IQGAP2: variants seen among roughly 807,000 people sequenced by gnomAD.
The protein encoded by IQGAP2 is ras GTPase-activating-like protein IQGAP2.
IQGAP2 carries 173 observed loss-of-function variants against 201.3 expected under a neutral mutation model. The ratio of observed to expected loss-of-function variants is 0.86; its 90% CI spans 0.76 to 0.98. The LOEUF (loss-of-function observed/expected upper bound fraction) is 0.98, where lower values mean the gene tolerates loss of function less well. Among genes scored for constraint, IQGAP2 ranks in the 50% least tolerant of loss-of-function variants. The probability of loss-of-function intolerance (pLI) is 0.00; values close to 1 mark genes in which losing one functional copy is unlikely to be tolerated. For missense variants in IQGAP2, 1,687 were observed against 1,864.8 expected (o/e 0.90, Z 1.76); for synonymous variants, 675 against 673.9 (o/e 1.00, Z -0.03).
At chr5:76,432,919 A>G (rs911858042) in intron 1 of IQGAP2, among the ~76,000 whole-genome samples, 2 of 152,040 alleles carry the variant, frequency 1.3e-5, no homozygotes, top group Non-Finnish European at 2.9e-5. Flanking sequence ...TTAGGTATTT[A>G]TTTCCCCTGC....
At chr5:76,659,621 A>C (rs577750317) in intron 21 of IQGAP2, among the ~76,000 whole-genome samples, 1 of 152,328 alleles carries the variant, frequency 6.6e-6, no homozygotes, top group African/African-American at 2.4e-5. Flanking sequence ...AGATAATTAC[A>C]AACAGAATCT....
intron 10 of IQGAP2, among the ~76,000 whole-genome samples, chr5:76,598,294 T>G (rs1372471117): frequency 6.6e-6 from 1 of 152,148 alleles, no homozygotes; most frequent in Non-Finnish European, 1.5e-5. Flanking sequence ...ATTTTCAACA[T>G]AAAATGTTAA....
At chr5:76,527,844 C>T (rs1729794783) in intron 2 of IQGAP2, among the ~76,000 whole-genome samples, 1 of 152,212 alleles carries the variant, frequency 6.6e-6, no homozygotes, top group Non-Finnish European at 1.5e-5. Context: ...TCTAAACTTC[C>T]AAGACCCTAA....
chr5:76,556,416 G>A (rs901038126), intron 2 of IQGAP2, among the ~76,000 whole-genome samples: 1 of 152,166 alleles, frequency 6.6e-6, no homozygotes, highest in African/African-American at 2.4e-5. Flanking sequence ...CAAGCTCCCA[G>A]CTTGCTGGCT....
rs573316629 is a variant in IQGAP2, at chr5:76,584,847, C to T, written c.459-4059C>T. Among the ~76,000 whole-genome samples, 65 of 152,304 alleles carry T rather than the reference C, an allele frequency of 4.3e-4. 1 individual carries two copies. Among genetic ancestry groups the T allele is most frequent in the African/African-American group, 1.3e-3 (55 of 41,554 alleles). On this transcript the variant is annotated intron_variant, in intron 5 of 35. Transcript: ENST00000274364. ...GAAGATGTCAGACATTTGAAGGAAACTGCCACTGAAGGAAGCATTAGATTC... is the reference window on the plus strand; with the variant it reads ...GAAGATGTCAGACATTTGAAGGAAATTGCCACTGAAGGAAGCATTAGATTC...
At chr5:76,605,186 A>G (rs530698530) in intron 11 of IQGAP2, among the ~76,000 whole-genome samples, 36 of 152,332 alleles carry the variant, frequency 2.4e-4, no homozygotes, top group African/African-American at 8.2e-4. Flanking sequence ...GAAAATTGAT[A>G]ATTGAGAAGT....
intron 8 of IQGAP2, among the ~76,000 whole-genome samples, chr5:76,591,979 C>T (rs923444678): frequency 6.6e-6 from 1 of 152,206 alleles, no homozygotes; most frequent in Non-Finnish European, 1.5e-5. Flanking sequence ...GCTGCCTACT[C>T]TTGTTGGAGT....
chr5:76,686,598 C>T (rs1197189078), intron 30 of IQGAP2, among the ~76,000 whole-genome samples: 1 of 152,082 alleles, frequency 6.6e-6, no homozygotes, highest in Non-Finnish European at 1.5e-5. Flanking sequence ...CAAGCTCTGC[C>T]TCCTGGGTTC....
rs1744060781 is a variant in IQGAP2 at position 76,557,913 on chromosome 5, T to A, written c.147-4483T>A. On this transcript the variant is annotated intron_variant, in intron 2 of 35. Coordinates refer to ENST00000274364, the MANE Select transcript of IQGAP2 (RefSeq NM_006633.5). ...CCTCCGCCTCTCAGATTCAAGCGAT[T>A]CTCCTGCCTCAGCCTCCTGAGTAGC... 2.0e-5 allele frequency among the ~76,000 whole-genome samples: 3 copies of A among 152,244 alleles called. No homozygotes were observed. The South Asian group carries it at 6.2e-4, about 32-fold the overall frequency.
chr5:76,622,702 G>A (rs1240579117), intron 13 of IQGAP2, among the ~76,000 whole-genome samples: 3 of 152,092 alleles, frequency 2.0e-5, no homozygotes, highest in Admixed American at 6.5e-5. Flanking sequence ...CATTCATTTC[G>A]GAAATACTGA....
At chr5:76,618,441 G>A (rs532074209) in intron 13 of IQGAP2, 1 of 1,614,216 alleles carries the variant, frequency 6.2e-7, no homozygotes. Context: ...TAAGGAGCTG[G>A]TCAGGTACCC....
intron 2 of IQGAP2, among the ~76,000 whole-genome samples, chr5:76,554,461 C>T (rs1743777161): frequency 6.6e-6 from 1 of 151,996 alleles, no homozygotes. Flanking sequence ...ACTCTTATAA[C>T]TCAAAAGTAA....
chr5:76,617,881 CA>C, intron 13 of IQGAP2: 1 of 1,613,872 alleles, frequency 6.2e-7, no homozygotes, highest in Non-Finnish European at 8.5e-7. Context: ...ATGATAAGCA[CA>C]AATGGAATTA....
chr5:76,585,909 C>T (rs560374317), intron 5 of IQGAP2, among the ~76,000 whole-genome samples: 3 of 152,234 alleles, frequency 2.0e-5, no homozygotes, highest in Admixed American at 1.3e-4. Context: ...TTAATTTTGT[C>T]GTTCCCATTA....
intron 2 of IQGAP2, among the ~76,000 whole-genome samples, chr5:76,549,761 C>T (rs1224144206): frequency 6.6e-6 from 1 of 152,062 alleles, no homozygotes; most frequent in Non-Finnish European, 1.5e-5. Context: ...CTCTCTGTGC[C>T]CTGATCACCT....
chr5:76,623,925 G>A (rs886924166), intron 13 of IQGAP2, among the ~76,000 whole-genome samples: 22 of 110,200 alleles, frequency 2.0e-4, no homozygotes, highest in Non-Finnish European at 2.9e-4. Flanking sequence ...TGAGGATGGC[G>A]TTTGTTCAGG....
At chr5:76,637,394 G>A (rs1484056808) in intron 16 of IQGAP2, among the ~76,000 whole-genome samples, 1 of 152,058 alleles carries the variant, frequency 6.6e-6, no homozygotes, top group Non-Finnish European at 1.5e-5. Flanking sequence ...ATAGAGCAGG[G>A]GGAAGAAATA....
chr5:76,577,223 T>G (rs3082639), intron 5 of IQGAP2, among the ~76,000 whole-genome samples: 73,773 of 151,832 alleles, frequency 0.49, 18,449 homozygotes, highest in South Asian at 0.63. Flanking sequence ...GTATGCTAAG[T>G]TCCTTTCTGG....
chr5:76,543,193 A>G (rs10462543), intron 2 of IQGAP2, among the ~76,000 whole-genome samples: 9,926 of 152,186 alleles, frequency 0.065, 742 homozygotes, highest in East Asian at 0.43. Context: ...TTGTTATTGC[A>G]CAGAGCTGGC....
Sources: gnomAD v4.1 joint callset for allele counts (sites outside exome capture counted in the v4.1 genomes callset) on GRCh38, gnomAD v4.1.1 for gene constraint, MANE v1.5 for transcripts, NCBI Gene and HGNC (gene_info 2026-07-23, HGNC 2026-07-21) for gene names.